WDR49: variants seen among roughly 807,000 people sequenced by gnomAD.
WDR49 encodes cilia- and flagella-associated protein 337.
WDR49 carries 107 observed loss-of-function variants against 119.5 expected under a neutral mutation model. The ratio of observed to expected loss-of-function variants is 0.90; its 90% CI spans 0.77 to 1.05. The LOEUF is 1.05. Among genes scored for constraint, WDR49 ranks in the 50% least tolerant of loss-of-function variants. WDR49 has a pLI of 0.00. For missense variants in WDR49, 1,240 were observed against 1,220.5 expected (o/e 1.02, Z -0.24); for synonymous variants, 425 against 418.8 (o/e 1.01, Z -0.18).
chr3:167,612,871 T>C (rs553162682), intron 5 of WDR49, among the ~76,000 whole-genome samples: 3 of 152,192 alleles, frequency 2.0e-5, no homozygotes, highest in East Asian at 3.9e-4. Context: ...CTCATGAACA[T>C]AGAGAGTGGA....
At chr3:167,549,197 G>T (rs1043406760) in intron 10 of WDR49, among the ~76,000 whole-genome samples, 1 of 152,102 alleles carries the variant, frequency 6.6e-6, no homozygotes, top group Non-Finnish European at 1.5e-5. Flanking sequence ...TAATCCACTG[G>T]GTATATGCCC....
upstream of WDR49, among the ~76,000 whole-genome samples, chr3:167,654,700 A>G (rs1402499403): frequency 2.0e-5 from 3 of 152,150 alleles, no homozygotes; most frequent in African/African-American, 7.2e-5. Flanking sequence ...GTTCGAGAGC[A>G]GCCTGGGCAA....
At chr3:167,559,948 A>G (rs993211579) in intron 9 of WDR49, 116 bp downstream of exon 9, 1 of 1,110,010 alleles carries the variant, frequency 9.0e-7, no homozygotes, top group South Asian at 1.9e-5. Context: ...ACCATGTCTC[A>G]TTTCTCTTCT....
At chr3:167,524,971 CA>C (rs1752582145) in intron 15 of WDR49, among the ~76,000 whole-genome samples, 1 of 152,122 alleles carries the variant, frequency 6.6e-6, no homozygotes, top group Admixed American at 6.6e-5. Flanking sequence ...ATGGGAATAG[CA>C]TTGAATCTAT....
At chr3:167,500,437 T>C in intron 17 of WDR49, 138 bp from the exon 18 acceptor site, 2 of 995,598 alleles carry the variant, frequency 2.0e-6, no homozygotes, top group Middle Eastern at 2.8e-4. Flanking sequence ...ACAGCTGCAG[T>C]GATCTGCAAA....
At chr3:167,506,066 T>C (rs1221340925) in intron 16 of WDR49, among the ~76,000 whole-genome samples, 2 of 152,204 alleles carry the variant, frequency 1.3e-5, no homozygotes, top group African/African-American at 4.8e-5. Flanking sequence ...CCAAAAATTG[T>C]TATTAGTATC....
At chr3:167,489,818 A>G (rs1169599801) in intron 18 of WDR49, among the ~76,000 whole-genome samples, 2 of 152,178 alleles carry the variant, frequency 1.3e-5, no homozygotes, top group Non-Finnish European at 2.9e-5. Context: ...ATGAGTGTAC[A>G]GCATTCTGAA....
chr3:167,583,223 T>A (rs937792339), intron 7 of WDR49, among the ~76,000 whole-genome samples: 5 of 152,104 alleles, frequency 3.3e-5, no homozygotes, highest in Non-Finnish European at 7.4e-5. Flanking sequence ...CCTCTTTTAA[T>A]TTACAATGTA....
intron 8 of WDR49, among the ~76,000 whole-genome samples, chr3:167,569,366 T>G (rs1053212238): frequency 6.6e-6 from 1 of 152,220 alleles, no homozygotes. Flanking sequence ...TGTAATAGAT[T>G]TGTGTATATT....
intron 2 of WDR49, among the ~76,000 whole-genome samples, chr3:167,635,537 T>C (rs539985291): frequency 2.0e-5 from 3 of 151,878 alleles, no homozygotes; most frequent in Admixed American, 6.6e-5. Flanking sequence ...CATAATGAAA[T>C]GAGGAAAGAA....
At chr3:167,496,681 T>C (rs1337792692) in intron 18 of WDR49, among the ~76,000 whole-genome samples, 1 of 152,198 alleles carries the variant, frequency 6.6e-6, no homozygotes, top group Non-Finnish European at 1.5e-5. Flanking sequence ...TATCTACATA[T>C]TATCTCTGCG....
chr3:167,524,563 AT>A (rs1305980798), intron 15 of WDR49, among the ~76,000 whole-genome samples: 1 of 152,152 alleles, frequency 6.6e-6, no homozygotes, highest in Non-Finnish European at 1.5e-5. Flanking sequence ...TCTTTAATCC[AT>A]TTTGAGTTAA....
intron 7 of WDR49, among the ~76,000 whole-genome samples, chr3:167,588,661 G>A (rs970418770): frequency 6.6e-6 from 1 of 152,098 alleles, no homozygotes; most frequent in African/African-American, 2.4e-5. Context: ...ATATCTCATT[G>A]TAATTTTGAT....
chr3:167,654,335 G>A (rs975165670), upstream of WDR49, among the ~76,000 whole-genome samples: 3 of 151,942 alleles, frequency 2.0e-5, no homozygotes, highest in African/African-American at 7.3e-5. Context: ...ATATAAAATA[G>A]AGATGGTTCA....
intron 8 of WDR49, among the ~76,000 whole-genome samples, chr3:167,566,508 C>G (rs564059249): frequency 6.6e-6 from 1 of 151,896 alleles, no homozygotes; most frequent in Non-Finnish European, 1.5e-5. Flanking sequence ...GTAAAAAAAG[C>G]CTATAAAATA....
chr3:167,554,218 T>G (rs527536154), intron 10 of WDR49, among the ~76,000 whole-genome samples: 1 of 152,268 alleles, frequency 6.6e-6, no homozygotes, highest in South Asian at 2.1e-4. Context: ...AGACATTTTC[T>G]GCACTGATAG....
At chr3:167,508,009 G>A (rs902049771) in intron 16 of WDR49, among the ~76,000 whole-genome samples, 1 of 152,168 alleles carries the variant, frequency 6.6e-6, no homozygotes, top group African/African-American at 2.4e-5. Flanking sequence ...TGCCTTAGTA[G>A]GTGATGCAGG....
chr3:167,609,302 TA>T (rs894811804), intron 5 of WDR49, among the ~76,000 whole-genome samples: 1 of 150,534 alleles, frequency 6.6e-6, no homozygotes, highest in African/African-American at 2.4e-5. Flanking sequence ...GATAGAAAAA[TA>T]AAAAAAAACA....
intron 5 of WDR49, among the ~76,000 whole-genome samples, chr3:167,608,030 C>CAAAG (rs1437028159): frequency 2.0e-5 from 3 of 152,002 alleles, no homozygotes; most frequent in Non-Finnish European, 4.4e-5. Flanking sequence ...AAAGGAGAAT[C>CAAAG]CTTTAAGTTT....
Sources: gnomAD v4.1 joint callset for allele counts (sites outside exome capture counted in the v4.1 genomes callset) on GRCh38, gnomAD v4.1.1 for gene constraint, MANE v1.5 for transcripts, NCBI Gene and HGNC (gene_info 2026-07-23, HGNC 2026-07-21) for gene names.